Variants in FAM24B observed in about 807,000 individuals in gnomAD.
The protein encoded by FAM24B is protein FAM24B.
FAM24B carries 3 observed loss-of-function variants against 2.3 expected under a neutral mutation model. The ratio of observed to expected loss-of-function variants is 1.29; its 90% CI spans 0.59 to 3.32. FAM24B has a LOEUF of 3.32. FAM24B is among the 30% of genes most tolerant of loss of function. The pLI is 0.03. For synonymous variants in FAM24B, 36 were observed against 46.3 expected, an observed-to-expected ratio of 0.78 and a Z score of 0.90; for missense variants, 98 against 117.2, an observed-to-expected ratio of 0.84 and a Z score of 0.76.
At chr10:122,851,178 A>G (rs1847528733) in intron 2 of FAM24B, among the ~76,000 whole-genome samples, 1 of 152,242 alleles carries the variant, frequency 6.6e-6, no homozygotes, top group African/African-American at 2.4e-5. Flanking sequence ...AAACTGGGAA[A>G]AAGTGAGTCA....
At chr10:122,865,240 G>C (rs1031147660) in intron 1 of FAM24B, among the ~76,000 whole-genome samples, 1 of 152,134 alleles carries the variant, frequency 6.6e-6, no homozygotes, top group African/African-American at 2.4e-5. Flanking sequence ...TATGATGTTA[G>C]CTGTAGGTTG....
intron 1 of FAM24B, among the ~76,000 whole-genome samples, chr10:122,858,651 C>T (rs1847679136): frequency 6.6e-6 from 1 of 152,128 alleles, no homozygotes; most frequent in African/African-American, 2.4e-5. Context: ...CTTGAATGTG[C>T]ACCTTCGGGT....
chr10:122,859,537 C>G (rs1002265768), intron 1 of FAM24B, among the ~76,000 whole-genome samples: 1 of 152,170 alleles, frequency 6.6e-6, no homozygotes, highest in Non-Finnish European at 1.5e-5. Context: ...AGGGTTCAGA[C>G]CTTGTCTTGC....
intron 1 of FAM24B, among the ~76,000 whole-genome samples, chr10:122,856,911 G>C (rs886516666): frequency 6.6e-6 from 1 of 152,110 alleles, no homozygotes; most frequent in Admixed American, 6.5e-5. Context: ...GTGGCCTCAT[G>C]ATGTCCCTAA....
chr10:122,878,978 G>A (rs533942933), intron 1 of FAM24B, among the ~76,000 whole-genome samples: 2 of 152,234 alleles, frequency 1.3e-5, no homozygotes, highest in South Asian at 2.1e-4. Context: ...TGACTACAAT[G>A]GGCTGGGCAT....
At chr10:122,876,448 G>A (rs1397556206) in intron 1 of FAM24B, among the ~76,000 whole-genome samples, 1 of 152,202 alleles carries the variant, frequency 6.6e-6, no homozygotes. Context: ...CACAAAGCAG[G>A]AGGGAGTTTT....
chr10:122,869,783 C>T (rs1439325259), intron 1 of FAM24B, among the ~76,000 whole-genome samples: 1 of 152,070 alleles, frequency 6.6e-6, no homozygotes, highest in Non-Finnish European at 1.5e-5. Flanking sequence ...ACATTCAAAG[C>T]AGTGTGTAGA....
Position 122,849,159 on chromosome 10 carries a change from C to T in FAM24B, c.*88G>A, listed in dbSNP as rs1431833021. ...CAACACTGTAAATTATATAATCTCACATAAAAACACTAGAACTTGATTTGA... is the reference window on the plus strand; with the variant it reads ...CAACACTGTAAATTATATAATCTCATATAAAAACACTAGAACTTGATTTGA... On this transcript the variant is annotated 3_prime_UTR_variant, in exon 4 of 4. Coordinates refer to ENST00000368898, the MANE Select transcript of FAM24B (RefSeq NM_152644.3). 1.2e-5 allele frequency: 12 copies of T among 989,022 alleles called. No individual in the cohort carries two copies. Among genetic ancestry groups the T allele is most frequent in the Non-Finnish European group, 1.6e-5 (11 of 697,668 alleles). The allele number at this position is 989,022 out of a possible 1,614,324, so 61.3% of individuals were successfully genotyped here.
At chr10:122,867,361 G>A (rs1368468223) in intron 1 of FAM24B, among the ~76,000 whole-genome samples, 1 of 152,208 alleles carries the variant, frequency 6.6e-6, no homozygotes. Context: ...CTCCACCTCT[G>A]GGGGCAGGGC....
At chr10:122,866,131 A>T (rs1847801001) in intron 1 of FAM24B, among the ~76,000 whole-genome samples, 1 of 151,872 alleles carries the variant, frequency 6.6e-6, no homozygotes, top group Non-Finnish European at 1.5e-5. Flanking sequence ...CTAACTCCTG[A>T]CCTCAGGTCA....
intron 1 of FAM24B, among the ~76,000 whole-genome samples, chr10:122,879,195 G>T (rs929225101): frequency 3.3e-5 from 5 of 152,332 alleles, no homozygotes; most frequent in African/African-American, 1.2e-4. Context: ...TAGGATCAGG[G>T]AGCATCAAAT....
At chr10:122,878,434 G>A (rs1474636870) in intron 1 of FAM24B, among the ~76,000 whole-genome samples, 1 of 152,082 alleles carries the variant, frequency 6.6e-6, no homozygotes, top group African/African-American at 2.4e-5. Context: ...TCAGAAGGCT[G>A]AGGCAGGAGA....
intron 1 of FAM24B, among the ~76,000 whole-genome samples, chr10:122,869,907 T>C (rs1224704126): frequency 2.0e-5 from 3 of 152,030 alleles, no homozygotes; most frequent in East Asian, 3.9e-4. Context: ...ATTCAAAAGC[T>C]AGCAGAAGGC....
Position 122,866,201 on chromosome 10 carries a change from C to T in FAM24B, c.-177-10415G>A, listed in dbSNP as rs2133835593. Among the ~76,000 whole-genome samples the T allele has an allele frequency of 2.6e-5, 4 of 152,262 alleles. No homozygotes were observed. In the South Asian group the frequency reaches 8.3e-4, roughly 32 times the overall value. On this transcript the variant is annotated intron_variant, in intron 1 of 3. Coordinates refer to ENST00000368898, the MANE Select transcript of FAM24B (RefSeq NM_152644.3). ...ACAGGCATGAGCCACTGCACCCGACCTCCTTTTTTATCCTTTTAATGCCTG... is the reference window on the plus strand; with the variant it reads ...ACAGGCATGAGCCACTGCACCCGACTTCCTTTTTTATCCTTTTAATGCCTG...
intron 1 of FAM24B, among the ~76,000 whole-genome samples, chr10:122,864,860 T>C (rs978225272): frequency 2.4e-4 from 37 of 152,384 alleles, no homozygotes; most frequent in African/African-American, 8.9e-4. Context: ...ACTGGCAATG[T>C]ACACTTAAGG....
chr10:122,858,340 G>A (rs889702696), intron 1 of FAM24B, among the ~76,000 whole-genome samples: 5 of 150,954 alleles, frequency 3.3e-5, no homozygotes, highest in Non-Finnish European at 5.9e-5. Flanking sequence ...ACTCATAGGC[G>A]GGAACTGAAC....
In FAM24B at chr10:122,870,509, T is replaced by C. The variant is rs1161392823; in HGVS notation, c.-178+8976A>G. ...AAAAGAGAATTTTAGACCAATATCC[T>C]TGATGAACATTGATGCAAAAATCCT... On this transcript the variant is annotated intron_variant, in intron 1 of 3. Coordinates refer to ENST00000368898, the MANE Select transcript of FAM24B (RefSeq NM_152644.3). 2.0e-5 allele frequency among the ~76,000 whole-genome samples: 3 copies of C among 152,138 alleles called. No individual in the cohort carries two copies. The South Asian group carries it at 6.2e-4, about 32-fold the overall frequency.
intron 1 of FAM24B, among the ~76,000 whole-genome samples, chr10:122,864,939 A>C (rs1847779637): frequency 6.6e-6 from 1 of 152,236 alleles, no homozygotes; most frequent in South Asian, 2.1e-4. Context: ...CCATTATATG[A>C]AAATACCAGT....
chr10:122,878,287 C>G (rs538091798), intron 1 of FAM24B, among the ~76,000 whole-genome samples: 7 of 152,290 alleles, frequency 4.6e-5, no homozygotes, highest in South Asian at 2.1e-4. Flanking sequence ...AATCCCAGCA[C>G]TTTTGGGAGC....
Sources: allele counts gnomAD v4.1 joint callset (sites outside exome capture counted in the v4.1 genomes callset), GRCh38; gene constraint gnomAD v4.1.1; transcripts MANE v1.5; gene names NCBI Gene and HGNC (gene_info 2026-07-23, HGNC 2026-07-21).